C8A: variants seen among roughly 807,000 people sequenced by gnomAD.
The protein encoded by C8A is complement component C8 alpha chain.
Under a neutral mutation model 65.3 loss-of-function variants are expected in C8A, and 67 were observed. The observed-to-expected ratio is 1.03, with a 90% CI of 0.84 to 1.26. The LOEUF (loss-of-function observed/expected upper bound fraction) is 1.26, where lower values mean the gene tolerates loss of function less well. Ranked by LOEUF, C8A falls within the 50% of genes most tolerant of loss-of-function variation. The pLI is 0.00. For synonymous variants in C8A, 290 were observed against 259.4 expected, an observed-to-expected ratio of 1.12 and a Z score of -1.13; for missense variants, 781 against 723.9, an observed-to-expected ratio of 1.08 and a Z score of -0.90.
intron 8 of C8A, among the ~76,000 whole-genome samples, chr1:56,907,325 TGAA>T (rs1644473915): frequency 1.3e-5 from 2 of 152,192 alleles, no homozygotes; most frequent in South Asian, 2.1e-4. Context: ...ACAGGGATGA[TGAA>T]GAAGTTTATA....
chr1:56,885,332 AT>A lies in C8A; in HGVS notation c.856-594del, dbSNP rs1360999270. On this transcript the variant is annotated intron_variant, in intron 6 of 10. Transcript: ENST00000361249. Reference sequence around the variant, plus strand: ...TTTACATAAATATATTTATTTAAATATATATTTACATAAATATATATTTATG... The same window carrying A: ...TTTACATAAATATATTTATTTAAATAATATTTACATAAATATATATTTATG... 1.8e-3 allele frequency among the ~76,000 whole-genome samples: 240 copies of A among 136,844 alleles called. 16 individuals are homozygous for A. Among genetic ancestry groups the A allele is most frequent in the Middle Eastern group, 7.7e-3 (2 of 260 alleles). 89.8% of individuals were successfully genotyped at this position (136,844 alleles called of 152,430 possible).
intron 1 of C8A, among the ~76,000 whole-genome samples, chr1:56,866,833 G>T (rs1256958102): frequency 6.6e-6 from 1 of 152,154 alleles, no homozygotes; most frequent in Non-Finnish European, 1.5e-5. Flanking sequence ...GAAGGATCGT[G>T]GGCTTGGAGA....
At chr1:56,884,570 G>A (rs1363702990) in intron 6 of C8A, among the ~76,000 whole-genome samples, 1 of 152,136 alleles carries the variant, frequency 6.6e-6, no homozygotes, top group Admixed American at 6.5e-5. Flanking sequence ...TAGCTATTGA[G>A]CTGAAGGTAA....
intron 9 of C8A, among the ~76,000 whole-genome samples, chr1:56,909,427 T>C (rs1394886484): frequency 6.6e-6 from 1 of 152,248 alleles, no homozygotes; most frequent in African/African-American, 2.4e-5. Context: ...TTTTATTTCT[T>C]CTTCAATAAG....
chr1:56,896,826 T>C (rs191929018), intron 7 of C8A, among the ~76,000 whole-genome samples: 3 of 152,258 alleles, frequency 2.0e-5, no homozygotes, highest in Admixed American at 1.3e-4. Context: ...TCAGTGGAAA[T>C]AGAGGAATAA....
intron 7 of C8A, 115 bp downstream of exon 7, chr1:56,886,282 C>A: frequency 8.1e-7 from 1 of 1,227,350 alleles, no homozygotes; most frequent in Non-Finnish European, 1.2e-6. Context: ...GTTTTTAGGA[C>A]AACTCTATAG....
Position 56,906,753 on chromosome 1 carries a change from T to A in C8A, c.1183T>A (p.Ser395Thr), listed in dbSNP as rs543075592. 7 of 1,614,106 alleles carry A rather than the reference T, an allele frequency of 4.3e-6. No homozygotes were observed. The South Asian group carries it at 7.7e-5, about 18-fold the overall frequency. The change falls in exon 8 of 11, where the codon TCA becomes ACA. Residue 395 changes from serine to threonine, a missense_variant. By Grantham distance (58) the Ser-to-Thr change is moderately conservative. Transcript: ENST00000361249. ...CAAAATAAATGTTGGTGGAGGTTTATCAGGAGACCATTGTAAAAAATTTGG... is the reference window on the plus strand; with the variant it reads ...CAAAATAAATGTTGGTGGAGGTTTAACAGGAGACCATTGTAAAAAATTTGG... ...EDKINVGGGL[S>T]GDHCKKFGGG...
intron 1 of C8A, among the ~76,000 whole-genome samples, chr1:56,864,200 G>C (rs113581848): frequency 3.9e-5 from 6 of 152,294 alleles, no homozygotes; most frequent in Admixed American, 3.9e-4. Context: ...TGATGTTTAT[G>C]ATGAGAATGA....
intron 7 of C8A, among the ~76,000 whole-genome samples, chr1:56,905,871 A>G (rs1345608442): frequency 6.6e-6 from 1 of 152,202 alleles, no homozygotes; most frequent in Non-Finnish European, 1.5e-5. Context: ...TGCCAGGCAT[A>G]CCTAGGGTTG....
intron 2 of C8A, among the ~76,000 whole-genome samples, chr1:56,871,702 T>C (rs572414773): frequency 6.7e-4 from 102 of 152,272 alleles, no homozygotes; most frequent in Non-Finnish European, 1.2e-3. Context: ...ATAAGGAATG[T>C]AAAGTGTTTG....
At position 56,912,362 on chromosome 1, in the gene C8A, A is replaced by T. The variant is rs368068754; in HGVS notation, c.1381-41A>T. 3.8e-6 allele frequency: 6 copies of T among 1,591,758 alleles called. No individual in the cohort carries two copies. The African/African-American group carries it at 8.1e-5, about 21-fold the overall frequency. Reference sequence around the variant, plus strand: ...GTTCTTGGGCTCTGGGAAGGTAGATAGAGCCCAGGGAGGGGCCCTGTGTTC... The same window carrying T: ...GTTCTTGGGCTCTGGGAAGGTAGATTGAGCCCAGGGAGGGGCCCTGTGTTC... On this transcript the variant is annotated intron_variant, in intron 9 of 10. Coordinates refer to ENST00000361249, the MANE Select transcript of C8A (RefSeq NM_000562.3).
intron 2 of C8A, among the ~76,000 whole-genome samples, chr1:56,870,016 G>A (rs1310765089): frequency 6.6e-6 from 1 of 152,068 alleles, no homozygotes; most frequent in African/African-American, 2.4e-5. Flanking sequence ...TTGTTATTCT[G>A]CCTCTCTCAT....
chr1:56,916,332 T>C (rs1373804281), intron 10 of C8A, among the ~76,000 whole-genome samples: 2 of 152,188 alleles, frequency 1.3e-5, no homozygotes, highest in Non-Finnish European at 2.9e-5. Context: ...GGGGCTGTCA[T>C]ACTGAACTTT....
In C8A at chr1:56,885,291, TATATATTTATATATATTTACATAA is replaced by T. The variant is rs1188778913; in HGVS notation, c.856-625_856-602del. 1.1e-4 allele frequency among the ~76,000 whole-genome samples: 15 copies of T among 133,844 alleles called. 1 individual carries two copies. The highest frequency in any genetic ancestry group is 6.0e-4 in the Admixed American group (8 of 13,408). 87.8% of individuals were successfully genotyped at this position (133,844 alleles called of 152,430 possible). On this transcript the variant is annotated intron_variant, in intron 6 of 10. Coordinates refer to ENST00000361249, the MANE Select transcript of C8A (RefSeq NM_000562.3). ...ATATATAAATATATATTTACATAAATATATATTTATATATATTTACATAAATATATTTATTTAAATATATATTTA... is the reference window on the plus strand; with the variant it reads ...ATATATAAATATATATTTACATAAATATATATTTATTTAAATATATATTTA...
chr1:56,856,464 T>C (rs1047775706), intron 1 of C8A, among the ~76,000 whole-genome samples: 5 of 152,134 alleles, frequency 3.3e-5, no homozygotes, highest in African/African-American at 1.2e-4. Context: ...TTTTGGTATT[T>C]CCATTCCCTT....
intron 1 of C8A, among the ~76,000 whole-genome samples, chr1:56,856,803 C>G (rs545931035): frequency 6.6e-6 from 1 of 151,774 alleles, no homozygotes; most frequent in African/African-American, 2.4e-5. Flanking sequence ...ATATTTTATA[C>G]AAATTTATTT....
Position 56,886,134 on chromosome 1 carries a change from C to T in C8A, c.1063C>T (p.Leu355=). ...CATGGGTGGCATTTATGAATATATC[C>T]TGGTGATTGACAAAGCAAAAATGGA... is the stretch of plus-strand genomic sequence containing the variant. ...GSMGGIYEYI[L]VIDKAKMESL... Residue 355 remains leucine (L), a synonymous_variant, in exon 7 of 11, where the codon CTG becomes TTG. Transcript: ENST00000361249. The T allele has an allele frequency of 6.2e-7, 1 of 1,613,976 alleles. No individual in the cohort carries two copies. The highest frequency in any genetic ancestry group is 8.5e-7 in the Non-Finnish European group (1 of 1,179,908).
intron 1 of C8A, among the ~76,000 whole-genome samples, chr1:56,862,683 C>T (rs1043000808): frequency 1.3e-5 from 2 of 152,064 alleles, no homozygotes. Flanking sequence ...CTCATAGTAG[C>T]CCAGCAGATG....
At position 56,912,419 on chromosome 1, in the gene C8A, A is replaced by G. The variant is rs1489253347; in HGVS notation, c.1397A>G (p.Glu466Gly). 1.9e-6 allele frequency: 3 copies of G among 1,614,154 alleles called. No individual in the cohort carries two copies. Among genetic ancestry groups the G allele is most frequent in the South Asian group, 2.2e-5 (2 of 91,080 alleles). The part of the protein sequence containing the change: ...VIDFEMQPIH[E>G]VLRHTSLGPL... The stretch of plus-strand genomic sequence containing the variant: ...TGCCCACAGATGCAGCCTATCCACG[A>G]GGTGCTGCGGCACACAAGCCTGGGG... Residue 466 changes from glutamate to glycine, a missense_variant, in exon 10 of 11, where the codon GAG becomes GGG. Transcript: ENST00000361249.
Sources: gnomAD v4.1 joint callset for allele counts (sites outside exome capture counted in the v4.1 genomes callset) on GRCh38, gnomAD v4.1.1 for gene constraint, MANE v1.5 for transcripts, NCBI Gene and HGNC (gene_info 2026-07-23, HGNC 2026-07-21) for gene names.